The following NR3C2 variants were observed in gnomAD, a reference collection of about 807,000 sequenced individuals.
NR3C2 encodes nuclear receptor subfamily 3 group C member 2.
NR3C2 carries 15 observed loss-of-function variants against 86.4 expected under a neutral mutation model. That is an observed-to-expected ratio of 0.17 (90% CI 0.12 to 0.27). The LOEUF (loss-of-function observed/expected upper bound fraction) is 0.27. Among genes scored for constraint, NR3C2 ranks in the 10% least tolerant of loss-of-function variants. The pLI is 1.00. For missense variants in NR3C2, 960 were observed against 1,195.6 expected, an observed-to-expected ratio of 0.80 and a Z score of 2.91; for synonymous variants, 458 against 450.5, an observed-to-expected ratio of 1.02 and a Z score of -0.21.
chr4:148,114,051 G>A (rs1490216337), intron 8 of NR3C2, 53 bp downstream of exon 8: 40 of 1,599,054 alleles, frequency 2.5e-5, no homozygotes, highest in Non-Finnish European at 3.4e-5. Context: ...GGTCAGCAGT[G>A]TGTATGTGGT....
intron 3 of NR3C2, among the ~76,000 whole-genome samples, chr4:148,259,689 A>C (rs1007812236): frequency 1.3e-5 from 2 of 152,250 alleles, no homozygotes; most frequent in East Asian, 3.8e-4. Context: ...TTAAATTTAC[A>C]ATGACAAGGA....
chr4:148,142,067 A>G (rs1456691275), intron 6 of NR3C2, among the ~76,000 whole-genome samples: 1 of 152,228 alleles, frequency 6.6e-6, no homozygotes, highest in Non-Finnish European at 1.5e-5. Flanking sequence ...GCAAGGGCAC[A>G]GCAGTAGAAA....
At chr4:148,415,352 A>G (rs76049465) in intron 2 of NR3C2, among the ~76,000 whole-genome samples, 1,969 of 152,262 alleles carry the variant, frequency 0.013, 45 homozygotes, top group African/African-American at 0.044. Context: ...TTTATGTAGT[A>G]TTTTTATTCT....
intron 3 of NR3C2, among the ~76,000 whole-genome samples, chr4:148,205,381 GCT>G (rs962306817): frequency 6.6e-6 from 1 of 151,950 alleles, no homozygotes; most frequent in Non-Finnish European, 1.5e-5. Flanking sequence ...TGGTGAAAAG[GCT>G]CTCTCTCTCC....
At chr4:148,352,213 CCT>C (rs555489283) in intron 2 of NR3C2, among the ~76,000 whole-genome samples, 81 of 152,210 alleles carry the variant, frequency 5.3e-4, no homozygotes, top group Admixed American at 1.6e-3. Flanking sequence ...TTTCTGGATT[CCT>C]CTCTCTGTTT....
intron 2 of NR3C2, among the ~76,000 whole-genome samples, chr4:148,312,974 A>G (rs374535221): frequency 6.6e-6 from 1 of 152,326 alleles, no homozygotes; most frequent in African/African-American, 2.4e-5. Flanking sequence ...TAGACAATAA[A>G]TGCATCATTA....
At chr4:148,266,722 G>C (rs1254915157) in intron 2 of NR3C2, among the ~76,000 whole-genome samples, 12 of 152,182 alleles carry the variant, frequency 7.9e-5, no homozygotes, top group Admixed American at 3.3e-4. Context: ...TGACTGTTGG[G>C]TGGAGAATGG....
At chr4:148,361,878 C>T (rs764056441) in intron 2 of NR3C2, among the ~76,000 whole-genome samples, 2 of 152,070 alleles carry the variant, frequency 1.3e-5, no homozygotes, top group African/African-American at 4.8e-5. Context: ...ACTCCTATCA[C>T]CAAGGCTGGA....
chr4:148,239,003 C>T (rs1362613929), intron 3 of NR3C2, among the ~76,000 whole-genome samples: 1 of 152,014 alleles, frequency 6.6e-6, no homozygotes, highest in African/African-American at 2.4e-5. Context: ...GGCAAGCAGC[C>T]CAACAGACAG....
intron 3 of NR3C2, among the ~76,000 whole-genome samples, chr4:148,235,464 G>T (rs567111397): frequency 6.6e-6 from 1 of 152,024 alleles, no homozygotes; most frequent in African/African-American, 2.4e-5. Context: ...AAAAGTCTGC[G>T]TATTAAGTTT....
chr4:148,279,387 C>A (rs1741122371), intron 2 of NR3C2, among the ~76,000 whole-genome samples: 1 of 152,110 alleles, frequency 6.6e-6, no homozygotes, highest in African/African-American at 2.4e-5. Flanking sequence ...TAAATGAAGG[C>A]AAGCTTTAAT....
intron 2 of NR3C2, among the ~76,000 whole-genome samples, chr4:148,278,391 C>T (rs139993688): frequency 1.1e-4 from 16 of 152,088 alleles, no homozygotes; most frequent in African/African-American, 1.7e-4. Context: ...TGAGCCACTA[C>T]GCCCAGCCCA....
At chr4:148,171,359 T>C (rs1268181762) in intron 4 of NR3C2, among the ~76,000 whole-genome samples, 5 of 152,222 alleles carry the variant, frequency 3.3e-5, no homozygotes, top group African/African-American at 1.2e-4. Context: ...CGAGTGCAGC[T>C]TCACACTCCC....
chr4:148,242,680 A>C (rs1346435444), intron 3 of NR3C2, among the ~76,000 whole-genome samples: 2 of 152,356 alleles, frequency 1.3e-5, no homozygotes, highest in Non-Finnish European at 2.9e-5. Flanking sequence ...ATATTTTCTC[A>C]CAGAAGCAGG....
chr4:148,355,210 G>A (rs1323004179), intron 2 of NR3C2, among the ~76,000 whole-genome samples: 1 of 152,148 alleles, frequency 6.6e-6, no homozygotes, highest in Non-Finnish European at 1.5e-5. Flanking sequence ...TTCTCAAGGT[G>A]AGATCCATAT....
At chr4:148,094,178 T>C (rs764511210) in intron 8 of NR3C2, among the ~76,000 whole-genome samples, 1 of 151,890 alleles carries the variant, frequency 6.6e-6, no homozygotes, top group Non-Finnish European at 1.5e-5. Context: ...ATGGCTATTA[T>C]CAAAAAAGGG....
intron 2 of NR3C2, among the ~76,000 whole-genome samples, chr4:148,290,140 T>C (rs113663927): frequency 3.3e-4 from 51 of 152,274 alleles, no homozygotes; most frequent in African/African-American, 1.1e-3. Context: ...TCTGTCTTCT[T>C]GAGGATGGCT....
At chr4:148,345,124 ATAGAG>A (rs1252837150) in intron 2 of NR3C2, among the ~76,000 whole-genome samples, 1 of 152,164 alleles carries the variant, frequency 6.6e-6, no homozygotes, top group Admixed American at 6.6e-5. Context: ...TGGATTCCAG[ATAGAG>A]TAGTTATCCT....
At chr4:148,427,058 G>A (rs1056962249) in intron 2 of NR3C2, among the ~76,000 whole-genome samples, 36 of 151,738 alleles carry the variant, frequency 2.4e-4, no homozygotes, top group African/African-American at 7.7e-4. Flanking sequence ...ACGTTCAAGC[G>A]ATTCTTGCGT....
Sources: gnomAD v4.1 joint callset for allele counts (sites outside exome capture counted in the v4.1 genomes callset) on GRCh38, gnomAD v4.1.1 for gene constraint, MANE v1.5 for transcripts, NCBI Gene and HGNC (gene_info 2026-07-23, HGNC 2026-07-21) for gene names.